STT3B: variants seen among roughly 807,000 people sequenced by gnomAD.
STT3B encodes STT3 oligosaccharyltransferase complex catalytic subunit B, also known as dolichyl-diphosphooligosaccharide--protein glycosyltransferase subunit STT3B.
A neutral mutation model predicts 96.8 loss-of-function variants in STT3B; 29 were observed. That is an observed-to-expected ratio of 0.30 (90% CI 0.22 to 0.41). The LOEUF (loss-of-function observed/expected upper bound fraction) is 0.41. Ranked by LOEUF, STT3B falls within the 10% of genes least tolerant of loss-of-function variation. STT3B has a pLI of 1.00. For synonymous variants in STT3B, 367 were observed against 360.0 expected (o/e 1.02, Z -0.22); for missense variants, 640 against 1,022.3 (o/e 0.63, Z 5.10).
At chr3:31,592,595 T>C (rs1698690728) in intron 3 of STT3B, among the ~76,000 whole-genome samples, 1 of 152,102 alleles carries the variant, frequency 6.6e-6, no homozygotes, top group Non-Finnish European at 1.5e-5. Context: ...TGTCAACACA[T>C]GTTATTTTCT....
At chr3:31,593,679 C>A (rs913683800) in intron 3 of STT3B, among the ~76,000 whole-genome samples, 1 of 151,906 alleles carries the variant, frequency 6.6e-6, no homozygotes, top group South Asian at 2.1e-4. Context: ...ATTTTTTATT[C>A]CATTTATTAT....
At chr3:31,607,547 C>G (rs1011062668) in intron 5 of STT3B, among the ~76,000 whole-genome samples, 2 of 152,094 alleles carry the variant, frequency 1.3e-5, no homozygotes, top group Non-Finnish European at 2.9e-5. Flanking sequence ...GATTGTGAGG[C>G]CTCCTCAGCC....
chr3:31,583,928 T>C (rs543109815), intron 3 of STT3B, among the ~76,000 whole-genome samples: 2 of 152,262 alleles, frequency 1.3e-5, no homozygotes, highest in South Asian at 4.2e-4. Context: ...TTTTATGAAG[T>C]CTAATTAATT....
chr3:31,596,100 T>C (rs563883674), intron 3 of STT3B, among the ~76,000 whole-genome samples: 41 of 152,356 alleles, frequency 2.7e-4, no homozygotes, highest in African/African-American at 9.9e-4. Context: ...TAGTAAATAC[T>C]GAAAAATATG....
At chr3:31,632,899 TA>T (rs1381884294) in intron 14 of STT3B, 35 bp from the exon 15 acceptor site, 2 of 1,571,424 alleles carry the variant, frequency 1.3e-6, no homozygotes, top group Non-Finnish European at 1.7e-6. Flanking sequence ...TGTTTTCCAA[TA>T]TGGTTAACAC....
At chr3:31,546,723 A>C (rs2125437924) in intron 1 of STT3B, among the ~76,000 whole-genome samples, 1 of 152,332 alleles carries the variant, frequency 6.6e-6, no homozygotes, top group Admixed American at 6.5e-5. Flanking sequence ...TGGGTTGTTT[A>C]GTCTCACTAA....
rs936411484 is a variant in STT3B at position 31,532,931 on chromosome 3, G to A, written c.-68G>A. 10 of 1,517,856 alleles carry A rather than the reference G, an allele frequency of 6.6e-6. No individual in the cohort carries two copies. Among genetic ancestry groups the A allele is most frequent in the Non-Finnish European group, 8.8e-6 (10 of 1,135,728 alleles). The allele number at this position is 1,517,856 out of a possible 1,614,324, so 94.0% of individuals were successfully genotyped here. A position where few individuals can be genotyped will look rare whatever the true frequency, so the allele number is the denominator to read the frequency against. On this transcript the variant is annotated 5_prime_UTR_variant, in exon 1 of 16. Coordinates refer to ENST00000295770, the MANE Select transcript of STT3B (RefSeq NM_178862.3). ...CCTCCTCCTCCTCCTCCGGGTCCCCGCCCAGCACCCCTCGCACCAGGCGGC... is the reference window on the plus strand; with the variant it reads ...CCTCCTCCTCCTCCTCCGGGTCCCCACCCAGCACCCCTCGCACCAGGCGGC...
chr3:31,545,575 A>G (rs1267318283), intron 1 of STT3B, among the ~76,000 whole-genome samples: 1 of 152,182 alleles, frequency 6.6e-6, no homozygotes, highest in Non-Finnish European at 1.5e-5. Flanking sequence ...GCCAACCACA[A>G]AACCAGAACA....
At chr3:31,587,265 C>T (rs1698561208) in intron 3 of STT3B, among the ~76,000 whole-genome samples, 2 of 89,604 alleles carry the variant, frequency 2.2e-5, no homozygotes, top group African/African-American at 5.6e-5. Context: ...TTTAACACTC[C>T]AAAAAGCCTC....
intron 3 of STT3B, among the ~76,000 whole-genome samples, chr3:31,584,470 G>T (rs1049247477): frequency 6.6e-6 from 1 of 151,822 alleles, no homozygotes; most frequent in African/African-American, 2.4e-5. Flanking sequence ...TTTTTAAGTG[G>T]CATGATATTG....
chr3:31,589,091 T>A (rs1698610450), intron 3 of STT3B, among the ~76,000 whole-genome samples: 2 of 152,084 alleles, frequency 1.3e-5, no homozygotes, highest in African/African-American at 4.8e-5. Context: ...TCTGTTTATT[T>A]ACATCTTTGA....
intron 13 of STT3B, among the ~76,000 whole-genome samples, chr3:31,626,367 A>T (rs990827171): frequency 2.0e-5 from 3 of 152,198 alleles, no homozygotes; most frequent in Non-Finnish European, 2.9e-5. Flanking sequence ...AAGACTTCTT[A>T]CTTTTACGTC....
chr3:31,593,388 A>G (rs1375903485), intron 3 of STT3B, among the ~76,000 whole-genome samples: 3 of 146,548 alleles, frequency 2.0e-5, no homozygotes, highest in Non-Finnish European at 4.5e-5. Context: ...CTTTGTCTTT[A>G]TCTGCCAGTA....
In STT3B at chr3:31,540,913, G is replaced by A. The variant is rs189000834; in HGVS notation, c.314+7601G>A. ...CTTGTGACCACCATGCCTACCACAC[G>A]TTTATTATTTGATGCCTATTCTTAA... On this transcript the variant is annotated intron_variant, in intron 1 of 15. Transcript: ENST00000295770. Among the ~76,000 whole-genome samples the A allele has an allele frequency of 1.1e-3, 172 of 152,150 alleles. 1 individual carries two copies. Among genetic ancestry groups the A allele is most frequent in the African/African-American group, 4.0e-3 (165 of 41,508 alleles).
chr3:31,591,748 CTTATTAAA>C (rs1698669329), intron 3 of STT3B, among the ~76,000 whole-genome samples: 1 of 152,082 alleles, frequency 6.6e-6, no homozygotes, highest in Admixed American at 6.5e-5. Context: ...ATAACTTACA[CTTATTAAA>C]TTAAGAAAAC....
In STT3B at chr3:31,636,122, C is replaced by A; in HGVS notation, c.*58C>A. The A allele has an allele frequency of 7.5e-7, 1 of 1,332,130 alleles. No individual in the cohort carries two copies. The highest frequency in any genetic ancestry group is 1.0e-6 in the Non-Finnish European group (1 of 963,198). The allele number at this position is 1,332,130 out of a possible 1,614,324, so 82.5% of individuals were successfully genotyped here. ...TGTCCTTGTGAGAACCGGTCTTTGCCTTTAGCTCATGTCGTGTTTCACAGC... is the reference window on the plus strand; with the variant it reads ...TGTCCTTGTGAGAACCGGTCTTTGCATTTAGCTCATGTCGTGTTTCACAGC... On this transcript the variant is annotated 3_prime_UTR_variant, in exon 16 of 16. Transcript: ENST00000295770.
intron 3 of STT3B, among the ~76,000 whole-genome samples, chr3:31,588,304 A>T (rs1575428028): frequency 6.6e-6 from 1 of 152,172 alleles, no homozygotes; most frequent in Middle Eastern, 3.4e-3. Flanking sequence ...TATAGGTAAT[A>T]GAATTGAGTT....
At chr3:31,582,370 G>A (rs1273801604) in intron 3 of STT3B, among the ~76,000 whole-genome samples, 4 of 148,478 alleles carry the variant, frequency 2.7e-5, no homozygotes, top group South Asian at 2.1e-4. Flanking sequence ...CAGTCGGCTC[G>A]CTGCAACCTC....
At chr3:31,574,505 T>C (rs1253582974) in intron 1 of STT3B, among the ~76,000 whole-genome samples, 1 of 152,166 alleles carries the variant, frequency 6.6e-6, no homozygotes, top group Non-Finnish European at 1.5e-5. Context: ...CTAGACAGCC[T>C]TTCCATAATC....
Sources: gnomAD v4.1 joint callset for allele counts (sites outside exome capture counted in the v4.1 genomes callset) on GRCh38, gnomAD v4.1.1 for gene constraint, MANE v1.5 for transcripts, NCBI Gene and HGNC (gene_info 2026-07-23, HGNC 2026-07-21) for gene names.